Variants in BNIP2 observed in about 807,000 individuals in gnomAD.
The protein encoded by BNIP2 is BCL2 interacting protein 2.
A neutral mutation model predicts 43.4 loss-of-function variants in BNIP2; 36 were observed. The observed-to-expected ratio is 0.83, with a 90% confidence interval of 0.64 to 1.10. The LOEUF is 1.10. BNIP2 is among the 50% of genes least tolerant of loss of function. The pLI is 0.00. For synonymous variants in BNIP2, 146 were observed against 121.0 expected (o/e 1.21, Z -1.35); for missense variants, 417 against 374.1 (o/e 1.11, Z -0.95).
chr15:59,688,027 A>C (rs1894130130), intron 1 of BNIP2, among the ~76,000 whole-genome samples: 1 of 152,198 alleles, frequency 6.6e-6, no homozygotes, highest in South Asian at 2.1e-4. Flanking sequence ...TAATGCCTGA[A>C]GACCATAATA....
chr15:59,686,038 A>G (rs1893992963), intron 1 of BNIP2, among the ~76,000 whole-genome samples: 1 of 152,234 alleles, frequency 6.6e-6, no homozygotes, highest in Non-Finnish European at 1.5e-5. Context: ...TGATTTCTCA[A>G]TAGATTGACT....
At position 59,659,813 on chromosome 15, in the gene BNIP2, T is replaced by C. The variant is rs1464200244; in HGVS notation, c.*4256A>G. 1 of 152,222 alleles carries C rather than the reference T, an allele frequency of 6.6e-6. No individual in the cohort carries two copies. The highest frequency in any genetic ancestry group is 1.5e-5 in the Non-Finnish European group (1 of 68,038). The allele number at this position is 152,222 out of a possible 1,614,324, so 9.4% of individuals were successfully genotyped here. Reference sequence around the variant, plus strand: ...TTGGTGCTTACGTGCTTTATGTGAATTTTTCATAGCATTTTACTTAGTTCT... The same window carrying C: ...TTGGTGCTTACGTGCTTTATGTGAACTTTTCATAGCATTTTACTTAGTTCT... On this transcript the variant is annotated 3_prime_UTR_variant, in exon 10 of 10. Coordinates refer to ENST00000607373, the MANE Select transcript of BNIP2 (RefSeq NM_004330.4).
chr15:59,689,054 G>A, intron 1 of BNIP2, 81 bp downstream of exon 1: 1 of 1,464,856 alleles, frequency 6.8e-7, no homozygotes, highest in Non-Finnish European at 9.0e-7. Context: ...GTGGGCACGC[G>A]CCCGACAGAC....
intron 9 of BNIP2, 75 bp downstream of exon 9, chr15:59,668,813 ATGAG>A (rs1473515990): frequency 8.4e-7 from 1 of 1,192,140 alleles, no homozygotes; most frequent in Non-Finnish European, 1.2e-6. Context: ...TACATAAAGA[ATGAG>A]TATTGAAAAG....
At chr15:59,680,784 T>C (rs769406866) in intron 2 of BNIP2, among the ~76,000 whole-genome samples, 2 of 152,094 alleles carry the variant, frequency 1.3e-5, no homozygotes, top group Non-Finnish European at 2.9e-5. Flanking sequence ...ATTTTAAAAG[T>C]TTTTTTGGTA....
rs1256404094 is a variant in BNIP2 at position 59,679,603 on chromosome 15, A to G, written c.284T>C (p.Phe95Ser). 1.2e-6 allele frequency: 2 copies of G among 1,612,462 alleles called. No individual in the cohort carries two copies. The highest frequency in any genetic ancestry group is 2.7e-5 in the African/African-American group (2 of 74,922). The change falls in exon 4 of 10, where the codon TTT becomes TCT. Residue 95 changes from phenylalanine (F) to serine (S), a missense_variant. Physicochemically the swap from Phe to Ser is radical, Grantham distance 155. Coordinates refer to ENST00000607373, the MANE Select transcript of BNIP2 (RefSeq NM_004330.4). ...AGTGAAACATTTACCTTCCCACTCA[A>G]ACTCATTACTATTCTCTGACGGTGT... ...LDTPSENSNE[F>S]EWEDDLPKPK...
At chr15:59,674,233 C>A (rs1893124859) in intron 5 of BNIP2, among the ~76,000 whole-genome samples, 1 of 151,864 alleles carries the variant, frequency 6.6e-6, no homozygotes, top group African/African-American at 2.4e-5. Context: ...GCAAATACTT[C>A]TGCTTTAACC....
intron 2 of BNIP2, among the ~76,000 whole-genome samples, chr15:59,680,709 T>G (rs1007428283): frequency 6.6e-6 from 1 of 152,186 alleles, no homozygotes; most frequent in Non-Finnish European, 1.5e-5. Context: ...CCTAGCAGTG[T>G]TTAAGATAAA....
At chr15:59,671,929 A>G (rs1158009424) in intron 6 of BNIP2, among the ~76,000 whole-genome samples, 3 of 152,174 alleles carry the variant, frequency 2.0e-5, no homozygotes, top group African/African-American at 7.2e-5. Flanking sequence ...TTAAGAAGTC[A>G]GCAGGATGTG....
At chr15:59,683,875 A>T (rs1595708064) in intron 1 of BNIP2, among the ~76,000 whole-genome samples, 3 of 152,338 alleles carry the variant, frequency 2.0e-5, no homozygotes, top group Admixed American at 2.0e-4. Context: ...AAGTCCGTCT[A>T]TACCATTTGA....
chr15:59,667,823 T>C (rs2141989693), intron 9 of BNIP2, among the ~76,000 whole-genome samples: 1 of 152,374 alleles, frequency 6.6e-6, no homozygotes. Flanking sequence ...TTTTTAGTAA[T>C]TTCTCTGGTT....
chr15:59,677,172 T>C lies in BNIP2; in HGVS notation c.472+739A>G, dbSNP rs1402698610. On this transcript the variant is annotated intron_variant, in intron 5 of 9. Transcript: ENST00000607373. ...GAAGGTGATTTACTACCTCTGCATC[T>C]TATTGAAGGATCCAGTGGAACCACA... 1.9e-6 allele frequency: 3 copies of C among 1,594,744 alleles called. No individual in the cohort carries two copies. The Admixed American group carries it at 5.0e-5, about 27-fold the overall frequency.
rs1306752373 is a variant in BNIP2, at chr15:59,659,455, C to T, written c.*4614G>A. On this transcript the variant is annotated 3_prime_UTR_variant, in exon 10 of 10. Transcript: ENST00000607373. ...ACAAAAGTATTTTTGGAATAGATAT[C>T]AAAGTGTGTTAATGTCTTAACAAAC... 2 of 152,208 alleles carry T rather than the reference C, an allele frequency of 1.3e-5. No individual in the cohort carries two copies. The highest frequency in any genetic ancestry group is 2.4e-5 in the African/African-American group (1 of 41,446). 9.4% of individuals were successfully genotyped at this position (152,208 alleles called of 1,614,324 possible).
At chr15:59,673,158 G>A (rs1453130059) in intron 5 of BNIP2, among the ~76,000 whole-genome samples, 4 of 142,730 alleles carry the variant, frequency 2.8e-5, no homozygotes, top group Non-Finnish European at 6.0e-5. Context: ...TCGTTCTGTC[G>A]TCCAGGCTGG....
At chr15:59,678,945 G>A in intron 4 of BNIP2, 36 of 1,061,804 alleles carry the variant, frequency 3.4e-5, no homozygotes, top group East Asian at 1.5e-4. Context: ...AGTAAAACAG[G>A]GAAGAAAAAA....
chr15:59,664,190 AT>A, intron 9 of BNIP2, 70 bp from the exon 10 acceptor site: 4 of 1,054,064 alleles, frequency 3.8e-6, no homozygotes, highest in Non-Finnish European at 5.5e-6. Context: ...AATAATGACT[AT>A]TTTAGCATAG....
intron 2 of BNIP2, among the ~76,000 whole-genome samples, chr15:59,681,593 C>A (rs770857832): frequency 8.6e-4 from 131 of 151,932 alleles, no homozygotes; most frequent in Non-Finnish European, 1.7e-3. Context: ...GGACTACAGG[C>A]GAGCGCCAAG....
intron 1 of BNIP2, chr15:59,688,661 A>G: frequency 6.7e-7 from 1 of 1,502,882 alleles, no homozygotes; most frequent in Non-Finnish European, 8.9e-7. Context: ...TTAGCGTACT[A>G]GGGAAGATCT....
Position 59,669,317 on chromosome 15 carries a change from C to A in BNIP2, c.753G>T (p.Trp251Cys), listed in dbSNP as rs1892756236. ...TAACAGCCAGAAGTGTTCTGATAAA[C>A]CAAGAAGGATGTACAATGATTAGGG... ...LKSLIIVHPS[W>C]FIRTLLAVTR... The change falls in exon 8 of 10, where the codon TGG (tryptophan) becomes TGT (cysteine). Residue 251 changes from tryptophan (W) to cysteine (C), a missense_variant. By Grantham distance (215) the Trp-to-Cys change is radical. Transcript: ENST00000607373. 1.3e-6 allele frequency: 2 copies of A among 1,550,852 alleles called. No homozygotes were observed. Among genetic ancestry groups the A allele is most frequent in the African/African-American group, 1.4e-5 (1 of 71,484 alleles).
Sources: gnomAD v4.1 joint callset for allele counts (sites outside exome capture counted in the v4.1 genomes callset) on GRCh38, gnomAD v4.1.1 for gene constraint, MANE v1.5 for transcripts, NCBI Gene and HGNC (gene_info 2026-07-23, HGNC 2026-07-21) for gene names.